PPP3CA: variants seen among roughly 807,000 people sequenced by gnomAD.
PPP3CA encodes protein phosphatase 3 catalytic subunit alpha.
A neutral mutation model predicts 66.5 loss-of-function variants in PPP3CA; 14 were observed. The observed-to-expected ratio is 0.21, with a 90% CI of 0.14 to 0.33. The LOEUF is 0.33. PPP3CA is among the 10% of genes least tolerant of loss of function. PPP3CA has a pLI of 1.00. For missense variants in PPP3CA, 317 were observed against 639.5 expected (o/e 0.50, Z 5.44); for synonymous variants, 232 against 226.2 (o/e 1.03, Z -0.23).
At chr4:101,272,403 A>G (rs1216819830) in intron 1 of PPP3CA, among the ~76,000 whole-genome samples, 1 of 152,224 alleles carries the variant, frequency 6.6e-6, no homozygotes, top group African/African-American at 2.4e-5. Flanking sequence ...GATAAATTCC[A>G]GAGACATAAT....
chr4:101,235,901 A>T (rs978787651), intron 1 of PPP3CA, among the ~76,000 whole-genome samples: 6 of 151,914 alleles, frequency 3.9e-5, no homozygotes, highest in African/African-American at 1.2e-4. Flanking sequence ...CTGTATTTAA[A>T]TTTAAATCTT....
At chr4:101,081,277 C>A (rs939945343) in intron 7 of PPP3CA, among the ~76,000 whole-genome samples, 3 of 152,056 alleles carry the variant, frequency 2.0e-5, no homozygotes, top group Admixed American at 2.0e-4. Context: ...TGAAATTTTA[C>A]AAATTGAGAC....
intron 8 of PPP3CA, among the ~76,000 whole-genome samples, chr4:101,066,011 C>A (rs1413511719): frequency 6.6e-6 from 1 of 152,084 alleles, no homozygotes; most frequent in Non-Finnish European, 1.5e-5. Context: ...TGGCCCTTTA[C>A]AAACATAATT....
At chr4:101,160,634 C>A (rs1457318145) in intron 2 of PPP3CA, among the ~76,000 whole-genome samples, 1 of 151,926 alleles carries the variant, frequency 6.6e-6, no homozygotes, top group Non-Finnish European at 1.5e-5. Flanking sequence ...ATAAGCATAT[C>A]CACCCTCTCA....
intron 1 of PPP3CA, among the ~76,000 whole-genome samples, chr4:101,312,788 C>G (rs1560712424): frequency 2.0e-5 from 3 of 151,992 alleles, no homozygotes; most frequent in African/African-American, 7.2e-5. Context: ...GTATAAAAGA[C>G]AGTCAAAACA....
At chr4:101,264,712 A>G (rs1272020108) in intron 1 of PPP3CA, among the ~76,000 whole-genome samples, 1 of 152,216 alleles carries the variant, frequency 6.6e-6, no homozygotes, top group Non-Finnish European at 1.5e-5. Flanking sequence ...TATTAAGTTC[A>G]AATAATCACT....
At chr4:101,054,735 A>C (rs1728155702) in intron 10 of PPP3CA, among the ~76,000 whole-genome samples, 1 of 151,952 alleles carries the variant, frequency 6.6e-6, no homozygotes, top group Non-Finnish European at 1.5e-5. Context: ...ATGGAAGATA[A>C]TTTTCTGGTA....
chr4:101,230,595 G>T (rs1349005844), intron 1 of PPP3CA, among the ~76,000 whole-genome samples: 1 of 151,530 alleles, frequency 6.6e-6, no homozygotes, highest in East Asian at 2.0e-4. Context: ...CCTCCCAACT[G>T]TGTGTCTGCT....
At chr4:101,226,385 T>C (rs1012447097) in intron 1 of PPP3CA, among the ~76,000 whole-genome samples, 1 of 151,726 alleles carries the variant, frequency 6.6e-6, no homozygotes, top group Non-Finnish European at 1.5e-5. Flanking sequence ...TGGTTACATG[T>C]TTCAATAACC....
chr4:101,232,237 TATG>T (rs1725985411), intron 1 of PPP3CA, among the ~76,000 whole-genome samples: 1 of 151,660 alleles, frequency 6.6e-6, no homozygotes, highest in African/African-American at 2.4e-5. Context: ...AGTATATGAA[TATG>T]ATGCCACTGA....
intron 2 of PPP3CA, among the ~76,000 whole-genome samples, chr4:101,142,711 T>A (rs898911026): frequency 6.6e-6 from 1 of 152,164 alleles, no homozygotes; most frequent in Non-Finnish European, 1.5e-5. Flanking sequence ...CTTCCCTTCT[T>A]TTCTTAAAAC....
intron 1 of PPP3CA, among the ~76,000 whole-genome samples, chr4:101,340,566 A>T (rs1729782105): frequency 6.6e-6 from 1 of 152,206 alleles, no homozygotes; most frequent in South Asian, 2.1e-4. Context: ...AGGAATACAC[A>T]ATTGTTATTT....
intron 1 of PPP3CA, among the ~76,000 whole-genome samples, chr4:101,295,612 C>G (rs1728179271): frequency 6.6e-6 from 1 of 152,200 alleles, no homozygotes; most frequent in South Asian, 2.1e-4. Flanking sequence ...AAAATGGGGA[C>G]TTGGCAATTC....
At chr4:101,265,101 T>C (rs1437726126) in intron 1 of PPP3CA, among the ~76,000 whole-genome samples, 1 of 152,124 alleles carries the variant, frequency 6.6e-6, no homozygotes, top group Non-Finnish European at 1.5e-5. Context: ...TAGGTTATAA[T>C]TTGTTAGCCA....
chr4:101,124,697 G>GAAAGAAAGAA (rs1722149053), intron 2 of PPP3CA, among the ~76,000 whole-genome samples: 1 of 91,742 alleles, frequency 1.1e-5, no homozygotes, highest in Non-Finnish European at 2.1e-5. Flanking sequence ...AAGAAAGAAA[G>GAAAGAAAGAA]AAAGAAAGAA....
chr4:101,039,939 T>C (rs1727431598), intron 11 of PPP3CA, among the ~76,000 whole-genome samples: 1 of 110,572 alleles, frequency 9.0e-6, no homozygotes, highest in Non-Finnish European at 2.2e-5. Context: ...CAAGAAAATA[T>C]TTGTTTTCTA....
intron 2 of PPP3CA, among the ~76,000 whole-genome samples, chr4:101,160,703 TTTC>T (rs1165907251): frequency 3.3e-5 from 5 of 152,148 alleles, no homozygotes; most frequent in African/African-American, 1.2e-4. Flanking sequence ...TCAATAGCTA[TTTC>T]TTCTTTTTAT....
At chr4:101,301,880 C>T (rs1395845055) in intron 1 of PPP3CA, among the ~76,000 whole-genome samples, 1 of 149,638 alleles carries the variant, frequency 6.7e-6, no homozygotes, top group Non-Finnish European at 1.5e-5. Flanking sequence ...AGATAATGAT[C>T]TAATTAAAAT....
chr4:101,314,032 T>C (rs1384161623), intron 1 of PPP3CA, among the ~76,000 whole-genome samples: 2 of 152,152 alleles, frequency 1.3e-5, no homozygotes, highest in African/African-American at 4.8e-5. Flanking sequence ...TGAGAGTCTG[T>C]CAAATAATTT....
Sources: gnomAD v4.1 joint callset for allele counts (sites outside exome capture counted in the v4.1 genomes callset) on GRCh38, gnomAD v4.1.1 for gene constraint, MANE v1.5 for transcripts, NCBI Gene and HGNC (gene_info 2026-07-23, HGNC 2026-07-21) for gene names.